The following CHM variants were observed in gnomAD, a reference collection of about 807,000 sequenced individuals.
CHM encodes the protein rab proteins geranylgeranyltransferase component A 1.
CHM carries 10 observed loss-of-function variants against 49.0 expected under a neutral mutation model. That is an observed-to-expected ratio of 0.20 (90% CI 0.13 to 0.35). The LOEUF (loss-of-function observed/expected upper bound fraction) is 0.35. CHM is among the 10% of genes least tolerant of loss of function. CHM has a pLI of 1.00. For synonymous variants in CHM, 184 were observed against 167.5 expected (o/e 1.10, Z -0.76); for missense variants, 455 against 478.4 (o/e 0.95, Z 0.46).
chrX:85,899,443 A>G (rs761259552), intron 11 of CHM, among the ~76,000 whole-genome samples: 1 of 111,166 alleles, frequency 9.0e-6, no homozygotes, highest in South Asian at 3.8e-4. Flanking sequence ...TTTTCTCCCC[A>G]TAACAATGTA....
intron 8 of CHM, among the ~76,000 whole-genome samples, chrX:85,921,189 G>C (rs751566143): frequency 1.8e-5 from 2 of 112,104 alleles, no homozygotes; most frequent in South Asian, 7.5e-4. Flanking sequence ...ACTTTACCAT[G>C]ATTTTGGGGG....
At chrX:85,917,815 A>G (rs1927545633) in intron 8 of CHM, among the ~76,000 whole-genome samples, 1 of 110,995 alleles carries the variant, frequency 9.0e-6, no homozygotes, top group Admixed American at 9.6e-5. Context: ...AAAAAAAAAA[A>G]ACCTCAGAAT....
intron 5 of CHM, among the ~76,000 whole-genome samples, 158 bp from the exon 6 acceptor site, chrX:85,959,135 T>C (rs1470518302): frequency 8.9e-6 from 1 of 111,870 alleles, no homozygotes; most frequent in African/African-American, 3.2e-5. Context: ...AGGCTCAGAA[T>C]TGATTAGCTG....
chrX:86,038,010 C>T (rs1161140429), intron 1 of CHM, among the ~76,000 whole-genome samples: 2 of 111,687 alleles, frequency 1.8e-5, no homozygotes, highest in Non-Finnish European at 3.8e-5. Context: ...AACCCCAGCA[C>T]ATGCACAAGT....
intron 12 of CHM, among the ~76,000 whole-genome samples, chrX:85,886,375 C>T (rs966067968): frequency 9.0e-6 from 1 of 111,531 alleles, no homozygotes; most frequent in Non-Finnish European, 1.9e-5. Flanking sequence ...TCAGGATATG[C>T]TTTATTCAAA....
chrX:85,896,139 CA>C (rs148920305), intron 11 of CHM, among the ~76,000 whole-genome samples: 933 of 46,273 alleles, frequency 0.02, 14 homozygotes, highest in African/African-American at 0.061. Context: ...CTGCACAACT[CA>C]AAAAAAAAAA....
At chrX:86,022,447 T>G (rs955432444) in intron 2 of CHM, among the ~76,000 whole-genome samples, 1 of 111,170 alleles carries the variant, frequency 9.0e-6, no homozygotes, top group African/African-American at 3.3e-5. Flanking sequence ...ACACTAAGGT[T>G]TTCAAGGAGT....
chrX:85,871,739 G>C (rs1924088848), intron 14 of CHM, among the ~76,000 whole-genome samples: 1 of 111,471 alleles, frequency 9.0e-6, no homozygotes, highest in African/African-American at 3.3e-5. Context: ...TAATCTTCTA[G>C]CATGCAGTTT....
At position 85,900,654 on chromosome X, in the gene CHM, C is replaced by G. The variant is rs1015160279; in HGVS notation, c.1405G>C (p.Asp469His). The G allele has an allele frequency of 4.3e-6, 5 of 1,164,497 alleles. No homozygotes were observed. Among genetic ancestry groups the G allele is most frequent in the Non-Finnish European group, 5.8e-6 (5 of 856,789 alleles). ...TDRSVLKTDS[D>H]QQISILTVPA... is the part of the protein sequence containing the mutation. ...TATAGGACTGAATTTACCTGTTGAT[C>G]TGAATCTGTTTTTAGGACAGATCTA... Residue 469 changes from aspartate (D) to histidine (H), a missense_variant, in exon 11 of 15, where the codon GAT becomes CAT. By Grantham distance (81) the Asp-to-His change is moderately conservative. Transcript: ENST00000357749.
chrX:85,991,198 T>C (rs1229299193), intron 2 of CHM, among the ~76,000 whole-genome samples: 3 of 111,881 alleles, frequency 2.7e-5, no homozygotes, highest in Non-Finnish European at 5.7e-5. Context: ...AACTTGTTTT[T>C]ACAACTATTC....
intron 5 of CHM, among the ~76,000 whole-genome samples, chrX:85,959,707 T>A (rs1489200753): frequency 8.9e-6 from 1 of 111,771 alleles, no homozygotes; most frequent in Admixed American, 9.5e-5. Flanking sequence ...AAATCAATAA[T>A]GTAAACAGTA....
intron 8 of CHM, among the ~76,000 whole-genome samples, chrX:85,949,401 T>C (rs755797812): frequency 1.8e-5 from 2 of 111,938 alleles, no homozygotes; most frequent in South Asian, 7.5e-4. Context: ...CAGTGAGCTT[T>C]AGATCACTTC....
chrX:85,873,239 C>T (rs1240439935), intron 13 of CHM, 27 bp from the exon 14 acceptor site: 1 of 1,028,686 alleles, frequency 9.7e-7, no homozygotes, highest in Non-Finnish European at 1.3e-6. Flanking sequence ...ATTTTATTTA[C>T]ATTCTAAAAT....
At chrX:85,971,043 G>C (rs1029801762) in intron 4 of CHM, 2 of 629,588 alleles carry the variant, frequency 3.2e-6, no homozygotes, top group Non-Finnish European at 3.8e-6. Context: ...AATAAGTCAT[G>C]GTAATCAAAA....
intron 2 of CHM, among the ~76,000 whole-genome samples, chrX:86,017,047 C>T (rs1351086437): frequency 1.8e-5 from 2 of 112,413 alleles, no homozygotes; most frequent in South Asian, 3.6e-4. Flanking sequence ...CACTAGATTT[C>T]GGACTTGCAT....
intron 11 of CHM, among the ~76,000 whole-genome samples, chrX:85,895,896 C>T (rs1925798162): frequency 1.8e-5 from 2 of 109,465 alleles, no homozygotes; most frequent in Admixed American, 9.8e-5. Context: ...CATGTAAGGA[C>T]GTCTTTTGAT....
chrX:86,003,203 G>A (rs1932782838), intron 2 of CHM, among the ~76,000 whole-genome samples: 1 of 112,055 alleles, frequency 8.9e-6, no homozygotes, highest in Non-Finnish European at 1.9e-5. Context: ...AAACAGAAAG[G>A]AATAGCACCA....
At chrX:86,032,696 A>G (rs1934089366) in intron 1 of CHM, among the ~76,000 whole-genome samples, 1 of 112,116 alleles carries the variant, frequency 8.9e-6, no homozygotes, top group African/African-American at 3.2e-5. Context: ...GCTCTGCCAC[A>G]GTATTATAAG....
At chrX:86,025,058 C>A (rs1436462913) in intron 2 of CHM, among the ~76,000 whole-genome samples, 2 of 111,135 alleles carry the variant, frequency 1.8e-5, no homozygotes, top group East Asian at 5.7e-4. Flanking sequence ...TGCAGACAAC[C>A]ACTACCCTCA....
Sources: gnomAD v4.1 joint callset for allele counts (sites outside exome capture counted in the v4.1 genomes callset) on GRCh38, gnomAD v4.1.1 for gene constraint, MANE v1.5 for transcripts, NCBI Gene and HGNC (gene_info 2026-07-23, HGNC 2026-07-21) for gene names.